The following PCDHGB2 variants were observed in gnomAD, a reference collection of about 807,000 sequenced individuals.
PCDHGB2 encodes the protein protocadherin gamma-B2.
In PCDHGB2, 55 loss-of-function variants were observed where a neutral mutation model predicts 59.3. The ratio of observed to expected loss-of-function variants is 0.93; its 90% CI spans 0.75 to 1.16. PCDHGB2 has a LOEUF of 1.16. PCDHGB2 is among the 50% of genes most tolerant of loss of function. The pLI, the probability that PCDHGB2 is intolerant of heterozygous loss-of-function variation, is 0.00. For missense variants in PCDHGB2, 1,228 were observed against 1,198.5 expected (o/e 1.02, Z -0.36); for synonymous variants, 516 against 512.0 (o/e 1.01, Z -0.11).
chr5:141,482,530 C>CAAAAAAAAAAAAAAAAA (rs3074545), intron 1 of PCDHGB2, among the ~76,000 whole-genome samples: 1 of 76,562 alleles, frequency 1.3e-5, no homozygotes, highest in African/African-American at 4.8e-5. Flanking sequence ...GACAGACATG[C>CAAAAAAAAAAAAAAAAA]AAAAAAAAAA....
intron 2 of PCDHGB2, among the ~76,000 whole-genome samples, chr5:141,497,219 A>G (rs974609491): frequency 6.7e-6 from 1 of 149,602 alleles, no homozygotes; most frequent in South Asian, 2.1e-4. Context: ...TGGGGGGGGG[A>G]AGATCAGAGA....
At chr5:141,400,668 G>A in intron 1 of PCDHGB2, 3 of 970,702 alleles carry the variant, frequency 3.1e-6, no homozygotes, top group Non-Finnish European at 4.6e-6. Context: ...TCTTTAAGAG[G>A]AGCAGTAAAT....
At chr5:141,382,896 G>T (rs754850386) in intron 1 of PCDHGB2, 1 of 1,537,674 alleles carries the variant, frequency 6.5e-7, no homozygotes, top group Admixed American at 2.1e-5. Context: ...GAAGCAGGAC[G>T]ACTATGGCGG....
At position 141,489,545 on chromosome 5, in the gene PCDHGB2, G is replaced by A. The variant is rs1396651116; in HGVS notation, c.2422-5262G>A. On this transcript the variant is annotated intron_variant, in intron 1 of 3. Transcript: ENST00000522605. The surrounding 1 kb of genome is among the most constrained non-coding windows in gnomAD (Gnocchi z 4.5). ...AGCCTATGTGGAGCCAGCACCAGCT[G>A]CCTGCTGCCAGTGCAGGTGGTGACT... 3 of 1,613,984 alleles carry A rather than the reference G, an allele frequency of 1.9e-6. No individual in the cohort carries two copies. The highest frequency in any genetic ancestry group is 2.5e-6 in the Non-Finnish European group (3 of 1,180,022).
intron 1 of PCDHGB2, among the ~76,000 whole-genome samples, chr5:141,386,522 C>CT (rs35543697): frequency 1 from 152,285 of 152,292 alleles, 76,139 homozygotes; most frequent in Middle Eastern, 1. Flanking sequence ...CAAAAAAAGA[C>CT]TCTTTTTAGA....
At chr5:141,418,933 G>A in intron 1 of PCDHGB2, 2 of 1,614,010 alleles carry the variant, frequency 1.2e-6, no homozygotes, top group Non-Finnish European at 1.7e-6. Flanking sequence ...AGATTATGGA[G>A]GATTCCCCTC....
intron 1 of PCDHGB2, among the ~76,000 whole-genome samples, chr5:141,369,505 G>GA (rs1379316544): frequency 5.3e-5 from 8 of 150,772 alleles, no homozygotes; most frequent in African/African-American, 1.2e-4. Context: ...CACCTCTATA[G>GA]AAAAAAAAAG....
At position 141,493,356 on chromosome 5, in the gene PCDHGB2, C is replaced by A. The variant is rs1303319550; in HGVS notation, c.2422-1451C>A. Among the ~76,000 whole-genome samples, 1 of 152,182 alleles carries A rather than the reference C, an allele frequency of 6.6e-6. No individual in the cohort carries two copies. The highest frequency in any genetic ancestry group is 2.4e-5 in the African/African-American group (1 of 41,438). On this transcript the variant is annotated intron_variant, in intron 1 of 3. Transcript: ENST00000522605. This position sits in a 1 kb window ranked among gnomAD's most constrained non-coding sequence, Gnocchi z 4.3. ...ACTCCAGAATGTGTGCTTTTAATTT[C>A]TTGGCACTTGGAACTTTAAAAGCTT...
chr5:141,386,939 A>T (rs2150323633), intron 1 of PCDHGB2, among the ~76,000 whole-genome samples: 1 of 152,358 alleles, frequency 6.6e-6, no homozygotes, highest in South Asian at 2.1e-4. Flanking sequence ...AGAGGTAGGA[A>T]GCAGTGCTTC....
intron 1 of PCDHGB2, chr5:141,393,226 T>C (rs1291576624): frequency 6.2e-7 from 1 of 1,613,712 alleles, no homozygotes; most frequent in Non-Finnish European, 8.5e-7. Context: ...GTCGAAGATC[T>C]AGAAGTAAAA....
rs771113210 is a variant in PCDHGB2 at position 141,362,095 on chromosome 5, C to T, written c.1960C>T (p.Leu654Phe). 2.2e-5 allele frequency: 36 copies of T among 1,613,738 alleles called. No individual in the cohort carries two copies. The highest frequency in any genetic ancestry group is 7.6e-6 in the Non-Finnish European group (9 of 1,179,900). ...TGTGCGTGATGGAGGACAGCCGCCA[C>T]TCTCCGCTACGGCCACGCTGCACCT... ...VAVRDGGQPP[L>F]SATATLHLIF... is the part of the protein sequence containing the mutation. Residue 654 changes from leucine to phenylalanine, a missense_variant, in exon 1 of 4, where the codon CTC becomes TTC. Transcript: ENST00000522605.
In PCDHGB2 at chr5:141,404,188, A is replaced by C. The variant is rs1001365354; in HGVS notation, c.2421+41632A>C. On this transcript the variant is annotated intron_variant, in intron 1 of 3. Transcript: ENST00000522605. Reference sequence around the variant, plus strand: ...TGTTGACGGCCCAAATTCTTGACCGAGAAAAAGCCTCAGAATATAATATCA... The same window carrying C: ...TGTTGACGGCCCAAATTCTTGACCGCGAAAAAGCCTCAGAATATAATATCA... 3.7e-6 allele frequency: 6 copies of C among 1,613,398 alleles called. No individual in the cohort carries two copies. The African/African-American group carries it at 5.3e-5, about 14-fold the overall frequency.
chr5:141,506,471 C>T (rs2099854191), intron 3 of PCDHGB2, among the ~76,000 whole-genome samples: 2 of 148,834 alleles, frequency 1.3e-5, no homozygotes, highest in African/African-American at 5.0e-5. Flanking sequence ...AAAAAGAGCA[C>T]AGGCTTTAGA....
intron 2 of PCDHGB2, among the ~76,000 whole-genome samples, chr5:141,503,595 G>T (rs6892628): frequency 0.52 from 72,995 of 139,870 alleles, 19,322 homozygotes; most frequent in African/African-American, 0.64. Flanking sequence ...CGAGACTCCA[G>T]CTCAAAAAAA....
Position 141,477,201 on chromosome 5 carries a change from C to T in PCDHGB2, c.2422-17606C>T, listed in dbSNP as rs1269388368. 6.2e-7 allele frequency: 1 copy of T among 1,614,076 alleles called. No homozygotes were observed. Among genetic ancestry groups the T allele is most frequent in the Non-Finnish European group, 8.5e-7 (1 of 1,180,056 alleles). On this transcript the variant is annotated intron_variant, in intron 1 of 3. Transcript: ENST00000522605. The surrounding 1 kb of genome is among the most constrained non-coding windows in gnomAD (Gnocchi z 4.9). ...GTCACCTCCGTGTACAGCCCAGTAC[C>T]CGAGGATGCCCCTCTGGGGACTGTC... is the stretch of plus-strand genomic sequence containing the variant.
At chr5:141,504,269 A>T (rs7715517) in intron 2 of PCDHGB2, among the ~76,000 whole-genome samples, 3,100 of 152,246 alleles carry the variant, frequency 0.02, 113 homozygotes, top group African/African-American at 0.07. Context: ...GTATTTTTTT[A>T]AATTATGAAT....
At chr5:141,393,404 G>A (rs1159260916) in intron 1 of PCDHGB2, 1 of 1,614,024 alleles carries the variant, frequency 6.2e-7, no homozygotes, top group Non-Finnish European at 8.5e-7. Context: ...TGGTGCTGGA[G>A]CGCGCCCTGG....
chr5:141,360,311 G>C lies in PCDHGB2; in HGVS notation c.176G>C (p.Arg59Pro), dbSNP rs578188210. 5 of 1,613,818 alleles carry C rather than the reference G, an allele frequency of 3.1e-6. No individual in the cohort carries two copies. The highest frequency in any genetic ancestry group is 4.2e-6 in the Non-Finnish European group (5 of 1,179,878). Residue 59 changes from arginine (R) to proline (P), a missense_variant, in exon 1 of 4, where the codon CGG (arginine) becomes CCG (proline). Arg to Pro is a moderately radical substitution (Grantham distance 103, BLOSUM62 -2). This residue lies in a region of PCDHGB2 where 781 missense variants were observed against 721.6 expected (regional missense o/e 1.08). Transcript: ENST00000522605. ...NLAKDLGLSV[R>P]DLPARKLRVS... ...GCCAAGGATCTGGGGCTCAGCGTCC[G>C]GGACTTGCCAGCCCGGAAGCTGCGG... is the stretch of plus-strand genomic sequence containing the variant.
chr5:141,428,115 G>A (rs753384738), intron 1 of PCDHGB2: 2 of 1,607,178 alleles, frequency 1.2e-6, no homozygotes, highest in Non-Finnish European at 8.5e-7. Flanking sequence ...GCAGGCCATC[G>A]AGCCCGGGCT....
Sources: gnomAD v4.1 joint callset for allele counts (sites outside exome capture counted in the v4.1 genomes callset) on GRCh38, gnomAD v4.1.1 for gene constraint, gnomAD v4.1.1 regional missense constraint, Gnocchi (gnomAD v3.1) non-coding constraint, MANE v1.5 for transcripts, NCBI Gene and HGNC (gene_info 2026-07-23, HGNC 2026-07-21) for gene names.